PCBD2: variants seen among roughly 807,000 people sequenced by gnomAD.
The protein encoded by PCBD2 is pterin-4 alpha-carbinolamine dehydratase 2, also known as pterin-4-alpha-carbinolamine dehydratase 2.
PCBD2 carries 12 observed loss-of-function variants against 16.4 expected under a neutral mutation model. The observed-to-expected ratio is 0.73, with a 90% CI of 0.47 to 1.19. The LOEUF (loss-of-function observed/expected upper bound fraction) is 1.19, where lower values mean the gene tolerates loss of function less well. PCBD2 is among the 50% of genes most tolerant of loss of function. The probability of loss-of-function intolerance (pLI) is 0.00; values close to 1 mark genes in which losing one functional copy is unlikely to be tolerated. For synonymous variants in PCBD2, 58 were observed against 61.8 expected (o/e 0.94, Z 0.29); for missense variants, 138 against 156.8 (o/e 0.88, Z 0.64).
intron 2 of PCBD2, among the ~76,000 whole-genome samples, chr5:134,954,824 C>T (rs1165561501): frequency 6.6e-6 from 1 of 151,984 alleles, no homozygotes; most frequent in Non-Finnish European, 1.5e-5. Context: ...TCACTGCAAC[C>T]TCTGCCTCCT....
intron 1 of PCBD2, chr5:134,908,758 G>T (rs1385403755): frequency 1.3e-5 from 2 of 151,952 alleles, no homozygotes; most frequent in East Asian, 3.9e-4. Flanking sequence ...CTAGAAAACT[G>T]ATTTATTAGT....
In PCBD2 at chr5:134,910,834, A is replaced by G. The variant is rs959894596; in HGVS notation, c.216+368A>G. 3.3e-5 allele frequency among the ~76,000 whole-genome samples: 5 copies of G among 152,196 alleles called. No homozygotes were observed. The South Asian group carries it at 6.2e-4, about 19-fold the overall frequency. ...GAGACAGGGTCTTGCTCTGTTGCCC[A>G]GGCTGGAGTACAGTGGTATGATTGT... On this transcript the variant is annotated intron_variant, in intron 2 of 3. Transcript: ENST00000254908.
In PCBD2 at chr5:134,953,338, G is replaced by A. The variant is rs531224431; in HGVS notation, c.217-5702G>A. 5.0e-4 allele frequency among the ~76,000 whole-genome samples: 74 copies of A among 147,748 alleles called. No individual in the cohort carries two copies. The Middle Eastern group carries it at 0.011, about 21-fold the overall frequency. On this transcript the variant is annotated intron_variant, in intron 2 of 3. Coordinates refer to ENST00000254908, the MANE Select transcript of PCBD2 (RefSeq NM_032151.5). ...GTGGATACTATTATAACTATATATAGGTATATAACTTGATAGTACCTTATG... is the reference window on the plus strand; with the variant it reads ...GTGGATACTATTATAACTATATATAAGTATATAACTTGATAGTACCTTATG...
intron 2 of PCBD2, among the ~76,000 whole-genome samples, chr5:134,931,720 G>A (rs1751097341): frequency 6.6e-6 from 1 of 152,184 alleles, no homozygotes; most frequent in Admixed American, 6.5e-5. Flanking sequence ...GATATGGATT[G>A]CAGTTTTGTT....
At chr5:134,954,922 A>G (rs1751397737) in intron 2 of PCBD2, among the ~76,000 whole-genome samples, 1 of 151,780 alleles carries the variant, frequency 6.6e-6, no homozygotes, top group Non-Finnish European at 1.5e-5. Context: ...TTGTATTTTT[A>G]GTAGAGATGG....
intron 2 of PCBD2, among the ~76,000 whole-genome samples, chr5:134,932,451 C>T (rs1751110111): frequency 1.3e-5 from 2 of 152,102 alleles, no homozygotes; most frequent in Admixed American, 6.5e-5. Flanking sequence ...AAGCAATTCT[C>T]CTGCTTCAGC....
At chr5:134,953,270 TCTTTA>T (rs960112515) in intron 2 of PCBD2, among the ~76,000 whole-genome samples, 57 of 151,502 alleles carry the variant, frequency 3.8e-4, no homozygotes, top group African/African-American at 1.1e-3. Context: ...ATTATGTTTT[TCTTTA>T]CTTAACTGGG....
intron 2 of PCBD2, among the ~76,000 whole-genome samples, chr5:134,937,855 A>T (rs892611459): frequency 6.6e-6 from 1 of 152,254 alleles, no homozygotes; most frequent in African/African-American, 2.4e-5. Flanking sequence ...TATCAGTCTG[A>T]TGCAAGCGTA....
At chr5:134,926,939 A>AT in intron 2 of PCBD2, 1 of 398,426 alleles carries the variant, frequency 2.5e-6, no homozygotes. Context: ...GTAAGGCGAG[A>AT]TTAGTGAGGC....
intron 2 of PCBD2, among the ~76,000 whole-genome samples, chr5:134,930,737 A>T (rs1301957391): frequency 1.3e-5 from 2 of 152,138 alleles, no homozygotes; most frequent in Admixed American, 1.3e-4. Context: ...GAGAATATTG[A>T]TGTCCTGAGG....
chr5:134,954,267 C>G (rs187408536), intron 2 of PCBD2, among the ~76,000 whole-genome samples: 1 of 152,274 alleles, frequency 6.6e-6, no homozygotes, highest in Admixed American at 6.5e-5. Flanking sequence ...AGCCTTAGTA[C>G]TTAAGTTTTA....
At chr5:134,907,624 AT>A (rs939876136) in intron 1 of PCBD2, among the ~76,000 whole-genome samples, 96 of 144,612 alleles carry the variant, frequency 6.6e-4, no homozygotes, top group South Asian at 1.1e-3. Context: ...ATCTCTTTTG[AT>A]TTTTTTTTTT....
intron 2 of PCBD2, among the ~76,000 whole-genome samples, chr5:134,937,891 G>A (rs1751179354): frequency 6.6e-6 from 1 of 152,174 alleles, no homozygotes; most frequent in African/African-American, 2.4e-5. Flanking sequence ...TTCATAAAAT[G>A]GCAAACCATC....
chr5:134,923,901 A>C (rs1034124402), intron 2 of PCBD2: 2 of 394,412 alleles, frequency 5.1e-6, no homozygotes, highest in Non-Finnish European at 9.0e-6. Context: ...TATGGCTAGG[A>C]ATAGTCCTGT....
At chr5:134,916,117 C>T (rs1292603611) in intron 2 of PCBD2, among the ~76,000 whole-genome samples, 1 of 152,086 alleles carries the variant, frequency 6.6e-6, no homozygotes, top group East Asian at 1.9e-4. Flanking sequence ...AAGGAGACTC[C>T]ATCTCTACAA....
At chr5:134,959,883 CTTTTTTTTTT>C (rs776164485) in intron 3 of PCBD2, among the ~76,000 whole-genome samples, 2 of 72,994 alleles carry the variant, frequency 2.7e-5, no homozygotes, top group African/African-American at 1.2e-4. Flanking sequence ...TAGAAATGTG[CTTTTTTTTTT>C]TTTTTTTTTT....
intron 2 of PCBD2, among the ~76,000 whole-genome samples, chr5:134,955,969 C>G (rs575075117): frequency 6.6e-6 from 1 of 152,272 alleles, no homozygotes; most frequent in South Asian, 2.1e-4. Context: ...TGCCTTTTTT[C>G]TCTCTTATTC....
chr5:134,926,829 G>C (rs967699505), intron 2 of PCBD2: 14 of 398,082 alleles, frequency 3.5e-5, no homozygotes, highest in Non-Finnish European at 5.8e-5. Flanking sequence ...GTATAGGGCT[G>C]TGATTAGTAT....
At chr5:134,943,630 G>A (rs1322949999) in intron 2 of PCBD2, among the ~76,000 whole-genome samples, 1 of 152,156 alleles carries the variant, frequency 6.6e-6, no homozygotes, top group African/African-American at 2.4e-5. Context: ...ACTACTTGCT[G>A]TCTCCATTCC....
Sources: gnomAD v4.1 joint callset for allele counts (sites outside exome capture counted in the v4.1 genomes callset) on GRCh38, gnomAD v4.1.1 for gene constraint, MANE v1.5 for transcripts, NCBI Gene and HGNC (gene_info 2026-07-23, HGNC 2026-07-21) for gene names.